PRKAR1A: variants seen among roughly 807,000 people sequenced by gnomAD.
PRKAR1A encodes the protein cAMP-dependent protein kinase type I-alpha regulatory subunit.
In PRKAR1A, 3 loss-of-function variants were observed where a neutral mutation model predicts 52.0. The observed-to-expected ratio is 0.06, with a 90% CI of 0.03 to 0.15. The LOEUF (loss-of-function observed/expected upper bound fraction) is 0.15, where lower values mean the gene tolerates loss of function less well. PRKAR1A is among the 10% of genes least tolerant of loss of function. The pLI, the probability that PRKAR1A is intolerant of heterozygous loss-of-function variation, is 1.00. For missense variants in PRKAR1A, 240 were observed against 477.4 expected (o/e 0.50, Z 4.63); for synonymous variants, 188 against 168.4 (o/e 1.12, Z -0.90).
chr17:68,537,327 G>T, downstream of PRKAR1A: 1 of 958,732 alleles, frequency 1.0e-6, no homozygotes, highest in Non-Finnish European at 1.6e-6. This position sits in a 1 kb window ranked among gnomAD's most constrained non-coding sequence, Gnocchi z 4.2. Flanking sequence ...AGTTCCATGG[G>T]CCCCACTTGC....
downstream of PRKAR1A, chr17:68,536,640 G>C (rs1277919715): frequency 4.4e-6 from 2 of 452,324 alleles, no homozygotes; most frequent in South Asian, 3.1e-5. Flanking sequence ...GTGGTTGGTG[G>C]GCTGTAGTCA....
At chr17:68,528,342 T>A (rs1439997668) in intron 8 of PRKAR1A, among the ~76,000 whole-genome samples, 1 of 152,250 alleles carries the variant, frequency 6.6e-6, no homozygotes, top group Non-Finnish European at 1.5e-5. Flanking sequence ...CATTGTTTAT[T>A]ACAGTGAATT....
At chr17:68,435,681 C>T in the PRKAR1A span, 31 of 1,614,044 alleles carry the variant, frequency 1.9e-5, no homozygotes, top group South Asian at 3.4e-4. Context: ...AGCTAGTGTT[C>T]CCTCATGGGC....
the PRKAR1A span, among the ~76,000 whole-genome samples, chr17:68,432,405 T>C: frequency 6.6e-6 from 1 of 152,202 alleles, no homozygotes; most frequent in African/African-American, 2.4e-5. Flanking sequence ...CACCTCTCTT[T>C]CAGCCTTGTG....
At chr17:68,506,547 G>A in the PRKAR1A span, among the ~76,000 whole-genome samples, 1 of 151,648 alleles carries the variant, frequency 6.6e-6, no homozygotes. Context: ...GTAGTGGCCC[G>A]ATTTCGGCTC....
At chr17:68,486,506 CTTCTTTCTTTCTTTCTTTCTTTCT>C in the PRKAR1A span, among the ~76,000 whole-genome samples, 49 of 48,258 alleles carry the variant, frequency 1.0e-3, no homozygotes, top group Admixed American at 3.1e-3. Flanking sequence ...TCCTTCCTTC[CTTCTTTCTTTCTTTCTTTCTTTCT>C]TTCTTTCTTT....
intron 3 of PRKAR1A, 91 bp from the exon 4 acceptor site, chr17:68,523,634 A>T: frequency 1.0e-6 from 1 of 959,592 alleles, no homozygotes; most frequent in Non-Finnish European, 1.7e-6. Context: ...AAATACCATA[A>T]TGTGGCTTGA....
the PRKAR1A span, among the ~76,000 whole-genome samples, chr17:68,435,074 G>C: frequency 6.6e-6 from 1 of 152,166 alleles, no homozygotes; most frequent in South Asian, 2.1e-4. Context: ...AGGCGTGGCA[G>C]CATGTGCCTG....
chr17:68,425,466 C>T, the PRKAR1A span, among the ~76,000 whole-genome samples: 1 of 151,290 alleles, frequency 6.6e-6, no homozygotes, highest in African/African-American at 2.4e-5. Flanking sequence ...AGCAATCCTC[C>T]AGCCTCGGCC....
the PRKAR1A span, among the ~76,000 whole-genome samples, chr17:68,474,668 G>T: frequency 2.0e-5 from 3 of 152,150 alleles, no homozygotes; most frequent in African/African-American, 7.2e-5. Flanking sequence ...GGCCGAGGCG[G>T]GCGGATAACG....
the PRKAR1A span, chr17:68,434,584 G>A: frequency 6.2e-7 from 1 of 1,614,042 alleles, no homozygotes. Context: ...AACTCATAGA[G>A]CTTTTGCCCA....
At chr17:68,519,600 G>A (rs1167900300) in intron 2 of PRKAR1A, among the ~76,000 whole-genome samples, 1 of 152,172 alleles carries the variant, frequency 6.6e-6, no homozygotes, top group Non-Finnish European at 1.5e-5. Context: ...TGAAAATACA[G>A]TCATATTCTC....
the PRKAR1A span, among the ~76,000 whole-genome samples, chr17:68,423,492 T>C: frequency 0.81 from 123,182 of 152,184 alleles, 50,412 homozygotes; most frequent in African/African-American, 0.94. The surrounding 1 kb of genome is among the most constrained non-coding windows in gnomAD (Gnocchi z 4.4). Context: ...CAGGGGCTGC[T>C]TGACACTCAC....
At chr17:68,542,640 ACT>A (rs2086355336) in intron 11 of PRKAR1A, 5 of 1,355,546 alleles carry the variant, frequency 3.7e-6, no homozygotes, top group Non-Finnish European at 5.3e-6. Flanking sequence ...AGGGGTGGAC[ACT>A]CTGGCTTACG....
upstream of PRKAR1A, among the ~76,000 whole-genome samples, chr17:68,507,830 A>G (rs977254097): frequency 2.0e-5 from 3 of 152,234 alleles, no homozygotes; most frequent in Admixed American, 1.3e-4. Flanking sequence ...TCAAAGGAAG[A>G]ACATTTTAGA....
chr17:68,517,995 G>A (rs2085485235), intron 2 of PRKAR1A, among the ~76,000 whole-genome samples: 3 of 152,206 alleles, frequency 2.0e-5, no homozygotes, highest in African/African-American at 7.2e-5. Flanking sequence ...CAACGAGGCA[G>A]TAATTAAATC....
At chr17:68,465,526 C>G in the PRKAR1A span, among the ~76,000 whole-genome samples, 9 of 152,082 alleles carry the variant, frequency 5.9e-5, no homozygotes, top group East Asian at 1.5e-3. Flanking sequence ...GTGACCTCAG[C>G]TCACTGCAAC....
chr17:68,528,592 A>C, intron 8 of PRKAR1A: 2 of 438,334 alleles, frequency 4.6e-6, no homozygotes, highest in Admixed American at 7.7e-5. Context: ...AGGAATACTT[A>C]AGGATTACAT....
the PRKAR1A span, among the ~76,000 whole-genome samples, chr17:68,475,537 C>G: frequency 1.3e-5 from 2 of 152,228 alleles, no homozygotes; most frequent in Non-Finnish European, 2.9e-5. Flanking sequence ...AATTTCATCT[C>G]ACTGCAACCT....
Sources: gnomAD v4.1 joint callset for allele counts (sites outside exome capture counted in the v4.1 genomes callset) on GRCh38, gnomAD v4.1.1 for gene constraint, Gnocchi (gnomAD v3.1) non-coding constraint, MANE v1.5 for transcripts, NCBI Gene and HGNC (gene_info 2026-07-23, HGNC 2026-07-21) for gene names.